NUP98: variants seen among roughly 807,000 people sequenced by gnomAD.
NUP98 encodes the protein nuclear pore complex protein Nup98-Nup96.
Under a neutral mutation model 191.9 loss-of-function variants are expected in NUP98, and 26 were observed. The ratio of observed to expected loss-of-function variants is 0.14; its 90% CI spans 0.10 to 0.19. The LOEUF is 0.19. NUP98 is among the 10% of genes least tolerant of loss of function. NUP98 has a pLI of 1.00. For missense variants in NUP98, 1,941 were observed against 2,178.8 expected, an observed-to-expected ratio of 0.89 and a Z score of 2.17; for synonymous variants, 808 against 778.4, an observed-to-expected ratio of 1.04 and a Z score of -0.63.
chr11:3,705,214 T>A lies in NUP98; in HGVS notation c.3068A>T (p.Lys1023Ile). ...TTATACTGTACCTAGTGAACGAGTT[T>A]TCGACGAGTGGGATGCTGAAATGGG... ...RLPISASHSSKTRSLVGGLLQ... is the reference protein window; with the variant it reads ...RLPISASHSSITRSLVGGLLQ... Residue 1023 changes from lysine to isoleucine, a missense_variant, in exon 22 of 33, where the codon AAA becomes ATA. Physicochemically the swap from Lys to Ile is moderately radical, Grantham distance 102. Coordinates refer to ENST00000324932, the MANE Select transcript of NUP98 (RefSeq NM_016320.5). 6.2e-7 allele frequency: 1 copy of A among 1,614,154 alleles called. No homozygotes were observed. The highest frequency in any genetic ancestry group is 2.2e-5 in the East Asian group (1 of 44,886).
intron 1 of NUP98, among the ~76,000 whole-genome samples, chr11:3,794,464 G>A (rs1424920382): frequency 6.6e-6 from 1 of 152,008 alleles, no homozygotes; most frequent in African/African-American, 2.4e-5. Context: ...GGGGCAATGG[G>A]CGCATGCTGC....
intron 26 of NUP98, 116 bp from the exon 27 acceptor site, chr11:3,693,491 T>C (rs139182405): frequency 9.6e-7 from 1 of 1,044,582 alleles, no homozygotes; most frequent in Non-Finnish European, 1.4e-6. Context: ...GATTCAGATA[T>C]AAAATATACA....
Position 3,776,090 on chromosome 11 carries a change from T to C in NUP98, c.356-69A>G, listed in dbSNP as rs936580923. ...TAAGAATGTATAAGATGCATTGGAA[T>C]TGGGCTATGGCACTAGCATCACAGT... On this transcript the variant is annotated intron_variant, in intron 4 of 32. Transcript: ENST00000324932. 7 of 1,223,450 alleles carry C rather than the reference T, an allele frequency of 5.7e-6. No individual in the cohort carries two copies. The African/African-American group carries it at 9.2e-5, about 16-fold the overall frequency. The allele number at this position is 1,223,450 out of a possible 1,614,324, so 75.8% of individuals were successfully genotyped here.
At chr11:3,704,619 A>C (rs190011428) in intron 22 of NUP98, among the ~76,000 whole-genome samples, 1 of 152,356 alleles carries the variant, frequency 6.6e-6, no homozygotes, top group East Asian at 1.9e-4. Context: ...ATTCATAAGC[A>C]AACAAAAACA....
At chr11:3,741,492 G>GC (rs2080285469) in intron 12 of NUP98, among the ~76,000 whole-genome samples, 1 of 151,922 alleles carries the variant, frequency 6.6e-6, no homozygotes. Context: ...CGTGTGGCAG[G>GC]CACCTGTAAT....
intron 11 of NUP98, among the ~76,000 whole-genome samples, chr11:3,745,442 AC>A (rs2080454926): frequency 6.6e-6 from 1 of 152,120 alleles, no homozygotes; most frequent in African/African-American, 2.4e-5. Context: ...CCAGAGGAAA[AC>A]CCATTGTAGA....
intron 20 of NUP98, 105 bp from the exon 21 acceptor site, chr11:3,706,732 G>T (rs2078873167): frequency 9.0e-7 from 1 of 1,115,112 alleles, no homozygotes; most frequent in Non-Finnish European, 1.3e-6. Context: ...ACAATTATTA[G>T]ATTCAGCCCA....
chr11:3,682,835 AG>A (rs1281862842), intron 30 of NUP98, among the ~76,000 whole-genome samples: 1 of 152,218 alleles, frequency 6.6e-6, no homozygotes, highest in Non-Finnish European at 1.5e-5. Flanking sequence ...CAACAAAATG[AG>A]GTATGCCTGT....
At chr11:3,738,087 C>CAAAAAA (rs61502115) in intron 12 of NUP98, among the ~76,000 whole-genome samples, 3 of 69,744 alleles carry the variant, frequency 4.3e-5, no homozygotes, top group Non-Finnish European at 5.8e-5. Flanking sequence ...TGGGCGTTCT[C>CAAAAAA]AAAAAAAAAA....
chr11:3,715,392 CAA>C (rs761468108), intron 18 of NUP98, among the ~76,000 whole-genome samples: 3 of 151,636 alleles, frequency 2.0e-5, no homozygotes, highest in African/African-American at 4.8e-5. Context: ...CTCGGCCTCC[CAA>C]AGTGTTGGGA....
chr11:3,695,418 T>G (rs368190757), intron 26 of NUP98, 31 bp downstream of exon 26: 1 of 1,488,670 alleles, frequency 6.7e-7, no homozygotes, highest in Admixed American at 2.3e-5. Context: ...AAAAAACCAA[T>G]GTGAGATATT....
intron 31 of NUP98, chr11:3,679,351 T>C: frequency 2.9e-6 from 2 of 684,434 alleles, no homozygotes; most frequent in South Asian, 1.5e-5. Flanking sequence ...TACTAGTTGG[T>C]AATCAACATA....
chr11:3,795,792 T>C (rs1943847978), intron 1 of NUP98, among the ~76,000 whole-genome samples: 1 of 152,218 alleles, frequency 6.6e-6, no homozygotes, highest in Admixed American at 6.5e-5. Flanking sequence ...GGGTGATGCC[T>C]GAACTGAGAA....
At chr11:3,712,001 G>A (rs2079034123) in intron 20 of NUP98, 1 of 1,048,430 alleles carries the variant, frequency 9.5e-7, no homozygotes, top group Non-Finnish European at 1.2e-6. Context: ...GATAAACAAT[G>A]TAGGCCCTAA....
rs1241603640 is a variant in NUP98, at chr11:3,729,790, A to G, written c.1730+1601T>C. 6.0e-5 allele frequency among the ~76,000 whole-genome samples: 9 copies of G among 149,992 alleles called. No homozygotes were observed. The Admixed American group carries it at 6.0e-4, about 10-fold the overall frequency. On this transcript the variant is annotated intron_variant, in intron 14 of 32. Coordinates refer to ENST00000324932, the MANE Select transcript of NUP98 (RefSeq NM_016320.5). ...ACAGAAGTGAGGCCAAGGAGGTCAGATGGTATTAACAACAAAATGTATGTC... is the reference window on the plus strand; with the variant it reads ...ACAGAAGTGAGGCCAAGGAGGTCAGGTGGTATTAACAACAAAATGTATGTC...
At chr11:3,770,172 C>T (rs1483553416) in intron 7 of NUP98, among the ~76,000 whole-genome samples, 1 of 152,072 alleles carries the variant, frequency 6.6e-6, no homozygotes, top group African/African-American at 2.4e-5. Context: ...TGGTGAAACC[C>T]CAACTCTATT....
At position 3,709,997 on chromosome 11, in the gene NUP98, A is replaced by AC. The variant is rs2078986342; in HGVS notation, c.2742+2566dup. 3.0e-5 allele frequency among the ~76,000 whole-genome samples: 4 copies of AC among 133,382 alleles called. No homozygotes were observed. In the South Asian group the frequency reaches 9.9e-4, roughly 33 times the overall value. The allele number at this position is 133,382 out of a possible 152,430, so 87.5% of individuals were successfully genotyped here. A position where few individuals can be genotyped will look rare whatever the true frequency, so the allele number is the denominator to read the frequency against. ...ATAATAATTTAAAAAAAAAAAGTTTACAAAAAAAAAAAAAAAGGCTGAGGT... is the reference window on the plus strand; with the variant it reads ...ATAATAATTTAAAAAAAAAAAGTTTACCAAAAAAAAAAAAAAAGGCTGAGGT... On this transcript the variant is annotated intron_variant, in intron 20 of 32. Transcript: ENST00000324932.
intron 10 of NUP98, chr11:3,760,290 G>A (rs934293692): frequency 4.0e-5 from 21 of 524,298 alleles, no homozygotes; most frequent in South Asian, 3.8e-4. Context: ...GTAATCCAAA[G>A]TAAATGAAAG....
intron 10 of NUP98, among the ~76,000 whole-genome samples, chr11:3,755,226 C>A (rs1427627639): frequency 1.3e-5 from 2 of 151,026 alleles, no homozygotes; most frequent in East Asian, 3.9e-4. Context: ...GAGGCAGAGG[C>A]AGGTGGATCA....
Sources: gnomAD v4.1 joint callset for allele counts (sites outside exome capture counted in the v4.1 genomes callset) on GRCh38, gnomAD v4.1.1 for gene constraint, MANE v1.5 for transcripts, NCBI Gene and HGNC (gene_info 2026-07-23, HGNC 2026-07-21) for gene names.